The following RHD variants were observed in gnomAD, a reference collection of about 807,000 sequenced individuals.
RHD encodes Rh blood group D antigen.
A neutral mutation model predicts 45.5 loss-of-function variants in RHD; 16 were observed. That is an observed-to-expected ratio of 0.35 (90% CI 0.24 to 0.53). The LOEUF (loss-of-function observed/expected upper bound fraction) is 0.53, where lower values mean the gene tolerates loss of function less well. Ranked by LOEUF, RHD falls within the 20% of genes least tolerant of loss-of-function variation. The probability of loss-of-function intolerance (pLI) is 0.92; values close to 1 mark genes in which losing one functional copy is unlikely to be tolerated. For missense variants in RHD, 306 were observed against 532.0 expected, an observed-to-expected ratio of 0.58 and a Z score of 4.18; for synonymous variants, 131 against 217.5, an observed-to-expected ratio of 0.60 and a Z score of 3.50.
intron 1 of RHD, among the ~76,000 whole-genome samples, chr1:25,277,183 A>ATTGGAGTCT (rs1641088896): frequency 7.5e-6 from 1 of 133,062 alleles, no homozygotes; most frequent in African/African-American, 2.6e-5. Flanking sequence ...CCCTTAGGGC[A>ATTGGAGTCT]CCTTCCAAAG....
At position 25,274,052 on chromosome 1, in the gene RHD, T is replaced by C. The variant is rs183184192; in HGVS notation, c.148+1357T>C. On this transcript the variant is annotated intron_variant, in intron 1 of 9. Coordinates refer to ENST00000328664, the MANE Select transcript of RHD (RefSeq NM_016124.6). ...ATCCAATACAATTCAATGCATTCCA[T>C]TCATTCAACCATGTATGACATCCAA... 3.8e-5 allele frequency among the ~76,000 whole-genome samples: 5 copies of C among 133,002 alleles called. 1 individual carries two copies. Among genetic ancestry groups the C allele is most frequent in the Admixed American group, 2.9e-4 (4 of 13,732 alleles). 87.3% of individuals were successfully genotyped at this position (133,002 alleles called of 152,430 possible). A position where few individuals can be genotyped will look rare whatever the true frequency, so the allele number is the denominator to read the frequency against.
intron 2 of RHD, among the ~76,000 whole-genome samples, chr1:25,286,501 TA>T (rs1642005672): frequency 7.4e-6 from 1 of 134,504 alleles, no homozygotes; most frequent in African/African-American, 2.6e-5. Context: ...AAAACAGTTT[TA>T]GGGGCCGGGC....
Position 25,289,947 on chromosome 1 carries a change from A to G in RHD, c.336-694A>G, listed in dbSNP as rs601803. Among the ~76,000 whole-genome samples the G allele has an allele frequency of 1.4e-4, 18 of 130,606 alleles. 4 individuals are homozygous for G. Among genetic ancestry groups the G allele is most frequent in the African/African-American group, 1.9e-4 (7 of 37,690 alleles). 85.7% of individuals were successfully genotyped at this position (130,606 alleles called of 152,430 possible). A position where few individuals can be genotyped will look rare whatever the true frequency, so the allele number is the denominator to read the frequency against. On this transcript the variant is annotated intron_variant, in intron 2 of 9. Transcript: ENST00000328664. ...GTTAATAAGGCTAGCGTCTTTTCAG[A>G]AGTTGGTTCTTTGTGCCAGTCTTGG...
intron 7 of RHD, among the ~76,000 whole-genome samples, chr1:25,312,138 C>A (rs2124038322): frequency 1.0e-5 from 1 of 97,658 alleles, no homozygotes; most frequent in East Asian, 2.1e-4. Flanking sequence ...ATAGTGTGTC[C>A]AGGAGGTGGC....
In RHD at chr1:25,297,682, C is replaced by G. The variant is rs1477367793; in HGVS notation, c.487-3264C>G. ...ATGGGCTCCTGGATTCCGGTTTACA[C>G]ACTTCCATTTTCTGCCTTTTCTCTC... On this transcript the variant is annotated intron_variant, in intron 3 of 9. Coordinates refer to ENST00000328664, the MANE Select transcript of RHD (RefSeq NM_016124.6). Among the ~76,000 whole-genome samples, 6 of 132,270 alleles carry G rather than the reference C, an allele frequency of 4.5e-5. 2 individuals are homozygous for G. Among genetic ancestry groups the G allele is most frequent in the Non-Finnish European group, 1.1e-4 (6 of 56,050 alleles). The allele number at this position is 132,270 out of a possible 152,430, so 86.8% of individuals were successfully genotyped here.
rs1407823579 is a variant in RHD at position 25,329,845 on chromosome 1, T to A, written c.*921T>A. The A allele has an allele frequency of 2.3e-5, 3 of 129,442 alleles. 1 individual carries two copies. Among genetic ancestry groups the A allele is most frequent in the African/African-American group, 7.9e-5 (3 of 37,974 alleles). 8.0% of individuals were successfully genotyped at this position (129,442 alleles called of 1,614,324 possible). A position where few individuals can be genotyped will look rare whatever the true frequency, so the allele number is the denominator to read the frequency against. ...ATTTTTGCATTTTTACTTGACAGGG[T>A]TTCACCATGTTGGCTAGGATAGTTT... On this transcript the variant is annotated 3_prime_UTR_variant, in exon 10 of 10. Transcript: ENST00000328664.
intron 3 of RHD, 69 bp from the exon 4 acceptor site, chr1:25,300,877 A>C: frequency 7.4e-7 from 1 of 1,348,262 alleles, no homozygotes; most frequent in Admixed American, 1.8e-5. Flanking sequence ...AACTTTCTCC[A>C]AGGACTATCA....
At position 25,312,535 on chromosome 1, in the gene RHD, A is replaced by T. The variant is rs1265607367; in HGVS notation, c.1074-4465A>T. Among the ~76,000 whole-genome samples the T allele has an allele frequency of 3.1e-5, 4 of 130,734 alleles. No individual in the cohort carries two copies. In the East Asian group the frequency reaches 7.8e-4, roughly 26 times the overall value. The allele number at this position is 130,734 out of a possible 152,430, so 85.8% of individuals were successfully genotyped here. A position where few individuals can be genotyped will look rare whatever the true frequency, so the allele number is the denominator to read the frequency against. On this transcript the variant is annotated intron_variant, in intron 7 of 9. Transcript: ENST00000328664. Reference sequence around the variant, plus strand: ...TGAGGTGGGAGGATTGCTTGAGCCCAGGAGCTCAAGACCAGCCTGGGCAAC... The same window carrying T: ...TGAGGTGGGAGGATTGCTTGAGCCCTGGAGCTCAAGACCAGCCTGGGCAAC...
rs1189112757 is a variant in RHD, at chr1:25,302,507, C to A, written c.802-815C>A. On this transcript the variant is annotated intron_variant, in intron 5 of 9. Transcript: ENST00000328664. ...CATGGTGACAGAAAGTCTAAGACACCCAGCAAGGCAGGAGTGGGTGTCAAC... is the reference window on the plus strand; with the variant it reads ...CATGGTGACAGAAAGTCTAAGACACACAGCAAGGCAGGAGTGGGTGTCAAC... 3.1e-5 allele frequency among the ~76,000 whole-genome samples: 4 copies of A among 129,164 alleles called. 1 individual carries two copies. Among genetic ancestry groups the A allele is most frequent in the Admixed American group, 3.0e-4 (4 of 13,256 alleles). 84.7% of individuals were successfully genotyped at this position (129,164 alleles called of 152,430 possible). A position where few individuals can be genotyped will look rare whatever the true frequency, so the allele number is the denominator to read the frequency against.
rs770041890 is a variant in RHD, at chr1:25,301,602, C to A, written c.717C>A (p.Phe239Leu). 3 of 1,380,124 alleles carry A rather than the reference C, an allele frequency of 2.2e-6. No homozygotes were observed. Among genetic ancestry groups the A allele is most frequent in the Admixed American group, 1.8e-5 (1 of 56,482 alleles). The allele number at this position is 1,380,124 out of a possible 1,614,324, so 85.5% of individuals were successfully genotyped here. ...CAATCGAAAGGAAGAATGCCGTGTT[C>A]AACACCTACTATGCTGTAGCAGTCA... ...RSPIERKNAV[F>L]NTYYAVAVSV... The change falls in exon 5 of 10, where the codon TTC becomes TTA. Residue 239 changes from phenylalanine (F) to leucine (L), a missense_variant. Physicochemically the swap from Phe to Leu is conservative, Grantham distance 22. Coordinates refer to ENST00000328664, the MANE Select transcript of RHD (RefSeq NM_016124.6).
At chr1:25,299,600 A>C (rs1339390343) in intron 3 of RHD, among the ~76,000 whole-genome samples, 1 of 128,568 alleles carries the variant, frequency 7.8e-6, no homozygotes, top group Non-Finnish European at 1.8e-5. Context: ...GAGGATGAGC[A>C]AGTGGAGGAG....
In RHD at chr1:25,285,195, C is replaced by T. The variant is rs1053095840; in HGVS notation, c.335+436C>T. Among the ~76,000 whole-genome samples, 16 of 129,014 alleles carry T rather than the reference C, an allele frequency of 1.2e-4. 1 individual carries two copies. Among genetic ancestry groups the T allele is most frequent in the African/African-American group, 3.9e-4 (14 of 35,992 alleles). 84.6% of individuals were successfully genotyped at this position (129,014 alleles called of 152,430 possible). On this transcript the variant is annotated intron_variant, in intron 2 of 9. Transcript: ENST00000328664. Reference sequence around the variant, plus strand: ...TGTTGCCCAGGCTGGAGTGCAATGGCGCTATCTCGGCACACCACAACCTCA... The same window carrying T: ...TGTTGCCCAGGCTGGAGTGCAATGGTGCTATCTCGGCACACCACAACCTCA...
rs1176844744 is a variant in RHD at position 25,280,125 on chromosome 1, C to T, written c.149-4448C>T. Reference sequence around the variant, plus strand: ...TGGGGTGCATGAGCTCTGTCAACAGCTCATGGAAACTGCTGCCCTAATTTC... The same window carrying T: ...TGGGGTGCATGAGCTCTGTCAACAGTTCATGGAAACTGCTGCCCTAATTTC... On this transcript the variant is annotated intron_variant, in intron 1 of 9. Coordinates refer to ENST00000328664, the MANE Select transcript of RHD (RefSeq NM_016124.6). Among the ~76,000 whole-genome samples, 5 of 128,624 alleles carry T rather than the reference C, an allele frequency of 3.9e-5. 1 individual carries two copies. The highest frequency in any genetic ancestry group is 7.5e-5 in the Admixed American group (1 of 13,296). 84.4% of individuals were successfully genotyped at this position (128,624 alleles called of 152,430 possible).
Position 25,282,472 on chromosome 1 carries a change from A to G in RHD, c.149-2101A>G, listed in dbSNP as rs577296090. On this transcript the variant is annotated intron_variant, in intron 1 of 9. Coordinates refer to ENST00000328664, the MANE Select transcript of RHD (RefSeq NM_016124.6). ...CTAGTCTCGAACTGCTGACTTCATG[A>G]TCTGCCCACCTCATCCTCCTAAATT... Among the ~76,000 whole-genome samples the G allele has an allele frequency of 2.5e-4, 33 of 131,656 alleles. 2 individuals carry two copies. In the East Asian group the frequency reaches 5.7e-3, roughly 23 times the overall value. 86.4% of individuals were successfully genotyped at this position (131,656 alleles called of 152,430 possible).
In RHD at chr1:25,308,517, T is replaced by C. The variant is rs1389333389; in HGVS notation, c.1073+1788T>C. On this transcript the variant is annotated intron_variant, in intron 7 of 9. Coordinates refer to ENST00000328664, the MANE Select transcript of RHD (RefSeq NM_016124.6). The stretch of plus-strand genomic sequence containing the variant: ...TAAAGGATTAACTTAACAAACTGGC[T>C]TTCCAAGAAAATAAAGCCTTGATTG... Among the ~76,000 whole-genome samples, 2 of 132,178 alleles carry C rather than the reference T, an allele frequency of 1.5e-5. 1 individual carries two copies. Among genetic ancestry groups the C allele is most frequent in the Non-Finnish European group, 3.6e-5 (2 of 56,040 alleles). 86.7% of individuals were successfully genotyped at this position (132,178 alleles called of 152,430 possible).
chr1:25,277,777 T>C (rs1641140760), intron 1 of RHD, among the ~76,000 whole-genome samples: 1 of 121,368 alleles, frequency 8.2e-6, no homozygotes, highest in African/African-American at 2.8e-5. Context: ...CAGGTTCAAG[T>C]AATTCTCCTG....
intron 9 of RHD, among the ~76,000 whole-genome samples, chr1:25,322,255 C>G (rs1644749867): frequency 2.3e-5 from 3 of 132,408 alleles, no homozygotes; most frequent in African/African-American, 7.7e-5. Context: ...CAGTCCTCAG[C>G]GTAGCCAAAT....
In RHD at chr1:25,295,849, A is replaced by AGTTTTTTTGTTTTT. The variant is rs1557534285; in HGVS notation, c.486+5058_486+5059insGTTTTTTTGTTTTT. Among the ~76,000 whole-genome samples the AGTTTTTTTGTTTTT allele has an allele frequency of 8.9e-5, 3 of 33,728 alleles. 1 individual carries two copies. The highest frequency in any genetic ancestry group is 5.8e-5 in the African/African-American group (1 of 17,192). The allele number at this position is 33,728 out of a possible 152,430, so 22.1% of individuals were successfully genotyped here. The stretch of plus-strand genomic sequence containing the variant: ...CAATGGTCTGGGAGGGAATATGGGA[A>AGTTTTTTTGTTTTT]ATTTTTTTTTTTTTTTTTTTTTTTT... On this transcript the variant is annotated intron_variant, in intron 3 of 9. Transcript: ENST00000328664.
Position 25,289,497 on chromosome 1 carries a change from A to C in RHD, c.336-1144A>C, listed in dbSNP as rs145856160. 5.5e-3 allele frequency among the ~76,000 whole-genome samples: 734 copies of C among 132,452 alleles called. 99 individuals carry two copies. The highest frequency in any genetic ancestry group is 0.018 in the African/African-American group (709 of 38,922). The allele number at this position is 132,452 out of a possible 152,430, so 86.9% of individuals were successfully genotyped here. A position where few individuals can be genotyped will look rare whatever the true frequency, so the allele number is the denominator to read the frequency against. On this transcript the variant is annotated intron_variant, in intron 2 of 9. Transcript: ENST00000328664. ...GGCATGAGCCACTGCACCCAGCCTT[A>C]TAGGGTTAAAATTTAAAAGAGGTGA... is the stretch of plus-strand genomic sequence containing the variant.
Sources: gnomAD v4.1 joint callset for allele counts (sites outside exome capture counted in the v4.1 genomes callset) on GRCh38, gnomAD v4.1.1 for gene constraint, MANE v1.5 for transcripts, NCBI Gene and HGNC (gene_info 2026-07-23, HGNC 2026-07-21) for gene names.